Variants in MDGA2 observed in about 807,000 individuals in gnomAD.
MDGA2 encodes the protein MAM domain containing glycosylphosphatidylinositol anchor 2.
A neutral mutation model predicts 117.8 loss-of-function variants in MDGA2; 40 were observed. The ratio of observed to expected loss-of-function variants is 0.34; its 90% CI spans 0.26 to 0.44. The LOEUF (loss-of-function observed/expected upper bound fraction) is 0.44. Among genes scored for constraint, MDGA2 ranks in the 20% least tolerant of loss-of-function variants. The pLI is 1.00. For missense variants in MDGA2, 1,123 were observed against 1,250.6 expected (o/e 0.90, Z 1.54); for synonymous variants, 452 against 439.0 (o/e 1.03, Z -0.37).
rs535920597 is a variant in MDGA2, at chr14:47,421,519, T to C, written c.281-119969A>G. Among the ~76,000 whole-genome samples, 22 of 152,108 alleles carry C rather than the reference T, an allele frequency of 1.4e-4. No homozygotes were observed. In the South Asian group the frequency reaches 4.6e-3, roughly 32 times the overall value. On this transcript the variant is annotated intron_variant, in intron 1 of 16. Coordinates refer to ENST00000399232, the MANE Select transcript of MDGA2 (RefSeq NM_001113498.3). ...AAAACAAACAAAAACAAAAGCAAAATCGTGCTGCAAATGCTTTGAGTCTGT... is the reference window on the plus strand; with the variant it reads ...AAAACAAACAAAAACAAAAGCAAAACCGTGCTGCAAATGCTTTGAGTCTGT...
At chr14:46,870,575 C>T (rs1349833236) in intron 14 of MDGA2, among the ~76,000 whole-genome samples, 1 of 151,940 alleles carries the variant, frequency 6.6e-6, no homozygotes, top group Non-Finnish European at 1.5e-5. Context: ...TTTTAGTAAG[C>T]AGCATGCCTG....
In MDGA2 at chr14:46,841,754, C is replaced by A; in HGVS notation, c.*177G>T. On this transcript the variant is annotated 3_prime_UTR_variant, in exon 17 of 17. Transcript: ENST00000399232. ...TATGTTTAGTCTGGAATAAGTTATA[C>A]TTCCATGATGTCTTTTTATCCCCAG... 1 of 432,966 alleles carries A rather than the reference C, an allele frequency of 2.3e-6. No homozygotes were observed. Among genetic ancestry groups the A allele is most frequent in the East Asian group, 3.6e-5 (1 of 27,864 alleles). 26.8% of individuals were successfully genotyped at this position (432,966 alleles called of 1,614,324 possible).
At chr14:46,905,848 T>C (rs528543169) in intron 10 of MDGA2, among the ~76,000 whole-genome samples, 1 of 152,092 alleles carries the variant, frequency 6.6e-6, no homozygotes, top group Non-Finnish European at 1.5e-5. Context: ...TAATCTTTTC[T>C]GGAAGTAGTA....
intron 1 of MDGA2, among the ~76,000 whole-genome samples, chr14:47,516,952 T>A (rs1894765582): frequency 6.6e-6 from 1 of 152,100 alleles, no homozygotes; most frequent in East Asian, 1.9e-4. Context: ...AGTGGACACT[T>A]TATTGATAAT....
intron 1 of MDGA2, among the ~76,000 whole-genome samples, chr14:47,541,965 G>C (rs557689443): frequency 6.6e-6 from 1 of 152,200 alleles, no homozygotes; most frequent in East Asian, 1.9e-4. Flanking sequence ...ATACTGTTCT[G>C]GATTACTGAA....
chr14:47,319,537 G>T (rs1889915153), intron 1 of MDGA2, among the ~76,000 whole-genome samples: 1 of 152,036 alleles, frequency 6.6e-6, no homozygotes, highest in Non-Finnish European at 1.5e-5. Flanking sequence ...TAGAAAGAAG[G>T]TGCCAAGGGT....
chr14:47,557,230 G>A (rs1566513583), intron 1 of MDGA2, among the ~76,000 whole-genome samples: 1 of 152,116 alleles, frequency 6.6e-6, no homozygotes, highest in Non-Finnish European at 1.5e-5. Context: ...GAAGAAAAAT[G>A]GCACTATAAG....
chr14:46,845,821 A>G lies in MDGA2; in HGVS notation c.2934T>C (p.Ile978=). 4 of 1,613,594 alleles carry G rather than the reference A, an allele frequency of 2.5e-6. No individual in the cohort carries two copies. Among genetic ancestry groups the G allele is most frequent in the East Asian group, 4.5e-5 (2 of 44,726 alleles). ...CTCCTTCTGCAATTGATACATCATCAATAGCAATGTCACCTTCTATTCCAG... is the reference window on the plus strand; with the variant it reads ...CTCCTTCTGCAATTGATACATCATCGATAGCAATGTCACCTTCTATTCCAG... ...RGPGIEGDIA[I]DDVSIAEGEC... The change falls in exon 16 of 17, where the codon ATT becomes ATC. Residue 978 remains isoleucine, a synonymous_variant. Coordinates refer to ENST00000399232, the MANE Select transcript of MDGA2 (RefSeq NM_001113498.3).
chr14:47,571,767 G>T (rs941447831), intron 1 of MDGA2, among the ~76,000 whole-genome samples: 1 of 151,368 alleles, frequency 6.6e-6, no homozygotes, highest in African/African-American at 2.4e-5. Context: ...GGCGGTCGGG[G>T]GATAGGGGAG....
chr14:47,204,059 T>A (rs1476310070), intron 3 of MDGA2, among the ~76,000 whole-genome samples: 1 of 152,018 alleles, frequency 6.6e-6, no homozygotes, highest in Non-Finnish European at 1.5e-5. Flanking sequence ...AATGAGCATA[T>A]ACACAGTGAA....
At chr14:47,106,827 G>A (rs1282962671) in intron 5 of MDGA2, among the ~76,000 whole-genome samples, 3 of 142,188 alleles carry the variant, frequency 2.1e-5, no homozygotes, top group East Asian at 3.9e-4. Flanking sequence ...TAACTGTTGT[G>A]GGTATTGACG....
chr14:47,439,695 G>A (rs534573505), intron 1 of MDGA2, among the ~76,000 whole-genome samples: 1 of 151,706 alleles, frequency 6.6e-6, no homozygotes, highest in South Asian at 2.1e-4. Flanking sequence ...TTTCATATAT[G>A]TGCGTATGTG....
At chr14:47,651,690 C>T (rs1897648292) in intron 1 of MDGA2, among the ~76,000 whole-genome samples, 1 of 152,026 alleles carries the variant, frequency 6.6e-6, no homozygotes, top group Admixed American at 6.6e-5. Flanking sequence ...GAGAATACTA[C>T]ATTCGATGAG....
chr14:46,883,705 G>C (rs531120124), intron 10 of MDGA2, among the ~76,000 whole-genome samples: 1 of 152,020 alleles, frequency 6.6e-6, no homozygotes, highest in East Asian at 1.9e-4. Context: ...GCACTTTGAA[G>C]CTTTCTTTAT....
intron 8 of MDGA2, among the ~76,000 whole-genome samples, chr14:46,986,146 T>TG (rs1234060200): frequency 6.6e-6 from 1 of 150,892 alleles, no homozygotes; most frequent in African/African-American, 2.5e-5. Context: ...CACAGACCAC[T>TG]GTTTTTTTGC....
chr14:47,213,167 C>T (rs968264401), intron 3 of MDGA2, among the ~76,000 whole-genome samples: 1 of 152,054 alleles, frequency 6.6e-6, no homozygotes. Context: ...CTAAAAATGT[C>T]TTTCTTCTTC....
In MDGA2 at chr14:47,596,746, G is replaced by A. The variant is rs559689321; in HGVS notation, c.280+77771C>T. On this transcript the variant is annotated intron_variant, in intron 1 of 16. Transcript: ENST00000399232. Reference sequence around the variant, plus strand: ...CATCTCCCAGGCATTCTGCTAAGTGGAGTGGTTTATTTAATTTTTAAAATA... The same window carrying A: ...CATCTCCCAGGCATTCTGCTAAGTGAAGTGGTTTATTTAATTTTTAAAATA... 7.9e-5 allele frequency among the ~76,000 whole-genome samples: 12 copies of A among 152,266 alleles called. 1 individual carries two copies. Among genetic ancestry groups the A allele is most frequent in the South Asian group, 4.1e-4 (2 of 4,824 alleles).
chr14:47,630,838 C>T (rs1032641690), intron 1 of MDGA2, among the ~76,000 whole-genome samples: 1 of 152,148 alleles, frequency 6.6e-6, no homozygotes, highest in Non-Finnish European at 1.5e-5. Context: ...ATACAAAAAA[C>T]AACACAGTCA....
intron 9 of MDGA2, among the ~76,000 whole-genome samples, chr14:46,930,418 G>A (rs1403704988): frequency 6.6e-6 from 1 of 151,042 alleles, no homozygotes; most frequent in African/African-American, 2.5e-5. Context: ...ACCAACATCA[G>A]TAAAAAAAAC....
Sources: gnomAD v4.1 joint callset for allele counts (sites outside exome capture counted in the v4.1 genomes callset) on GRCh38, gnomAD v4.1.1 for gene constraint, MANE v1.5 for transcripts, NCBI Gene and HGNC (gene_info 2026-07-23, HGNC 2026-07-21) for gene names.